CCM2: variants seen among roughly 807,000 people sequenced by gnomAD.
The protein encoded by CCM2 is CCM2 scaffold protein.
Under a neutral mutation model 44.9 loss-of-function variants are expected in CCM2, and 25 were observed. That is an observed-to-expected ratio of 0.56 (90% CI 0.41 to 0.78). The LOEUF is 0.78. Ranked by LOEUF, CCM2 falls within the 30% of genes least tolerant of loss-of-function variation. The probability of loss-of-function intolerance (pLI) is 0.00; values close to 1 mark genes in which losing one functional copy is unlikely to be tolerated. For missense variants in CCM2, 481 were observed against 580.6 expected, an observed-to-expected ratio of 0.83 and a Z score of 1.76; for synonymous variants, 219 against 241.1, an observed-to-expected ratio of 0.91 and a Z score of 0.85.
intron 1 of CCM2, chr7:45,029,451 A>C (rs1796856043): frequency 6.6e-6 from 1 of 152,162 alleles, no homozygotes; most frequent in Non-Finnish European, 1.5e-5. Context: ...TAGACTTTTT[A>C]GCACTTTCTC....
chr7:45,035,833 A>G (rs993428335), intron 1 of CCM2, among the ~76,000 whole-genome samples: 1 of 152,118 alleles, frequency 6.6e-6, no homozygotes, highest in Non-Finnish European at 1.5e-5. Context: ...ATACATATAT[A>G]TATATATGTA....
intron 1 of CCM2, among the ~76,000 whole-genome samples, chr7:45,035,394 T>C (rs1797167171): frequency 6.6e-6 from 1 of 152,216 alleles, no homozygotes; most frequent in Non-Finnish European, 1.5e-5. Context: ...TAGTCATCCT[T>C]ACTCCATGCT....
chr7:45,002,429 C>T (rs953593191), intron 1 of CCM2, among the ~76,000 whole-genome samples: 3 of 152,002 alleles, frequency 2.0e-5, no homozygotes, highest in Non-Finnish European at 4.4e-5. Flanking sequence ...ATTAGCCAGG[C>T]GCGGCAGCGC....
At chr7:45,003,050 T>G (rs1482353528) in intron 1 of CCM2, among the ~76,000 whole-genome samples, 5 of 152,214 alleles carry the variant, frequency 3.3e-5, no homozygotes, top group African/African-American at 1.2e-4. Context: ...CGGTATGGAC[T>G]CATGTTCTGT....
At chr7:45,055,470 C>T (rs56838306) in intron 2 of CCM2, among the ~76,000 whole-genome samples, 20,062 of 152,028 alleles carry the variant, frequency 0.13, 1,624 homozygotes, top group Admixed American at 0.2. Flanking sequence ...GGGTGGATCA[C>T]GAGGTCAGGA....
chr7:45,060,877 G>A (rs1043743712), intron 2 of CCM2, among the ~76,000 whole-genome samples: 4 of 152,244 alleles, frequency 2.6e-5, no homozygotes, highest in African/African-American at 4.8e-5. Context: ...CATATTAATC[G>A]TAGTTGTTTT....
intron 1 of CCM2, among the ~76,000 whole-genome samples, chr7:45,023,130 C>T (rs530295294): frequency 3.3e-5 from 5 of 152,218 alleles, no homozygotes; most frequent in Admixed American, 2.6e-4. Context: ...CCCACTTTCT[C>T]CCTTTCTAAG....
At chr7:45,047,410 G>A (rs1258951468) in intron 2 of CCM2, among the ~76,000 whole-genome samples, 1 of 152,202 alleles carries the variant, frequency 6.6e-6, no homozygotes, top group Non-Finnish European at 1.5e-5. Context: ...GGTGGCACCT[G>A]CCTGTAGTCC....
chr7:45,044,480 A>G (rs1028498340), intron 2 of CCM2, among the ~76,000 whole-genome samples: 31 of 152,060 alleles, frequency 2.0e-4, no homozygotes, highest in African/African-American at 6.5e-4. Flanking sequence ...TCTATAGCCC[A>G]CTTGCTTCTG....
At chr7:45,039,097 G>C (rs1357885809) in intron 2 of CCM2, among the ~76,000 whole-genome samples, 1 of 152,286 alleles carries the variant, frequency 6.6e-6, no homozygotes, top group South Asian at 2.1e-4. Context: ...GAGTCCAGGG[G>C]GCTCAGGAGG....
Position 45,016,859 on chromosome 7 carries a change from C to T in CCM2, c.30+16496C>T, listed in dbSNP as rs552977149. ...TGTTGACCAGGCTGATCTCTAACTC[C>T]TGGCCTCAAGTGATCTGACTGTCTC... On this transcript the variant is annotated intron_variant, in intron 1 of 9. Transcript: ENST00000258781. 2.8e-4 allele frequency among the ~76,000 whole-genome samples: 42 copies of T among 152,338 alleles called. 1 individual carries two copies. The highest frequency in any genetic ancestry group is 1.7e-3 in the South Asian group (8 of 4,826).
chr7:45,058,414 A>C (rs1798364677), intron 2 of CCM2, among the ~76,000 whole-genome samples: 1 of 151,416 alleles, frequency 6.6e-6, no homozygotes, highest in African/African-American at 2.4e-5. Context: ...GGTGTGCTGC[A>C]CCCATTAACT....
intron 2 of CCM2, among the ~76,000 whole-genome samples, chr7:45,061,774 C>G (rs1413458528): frequency 6.6e-6 from 1 of 152,162 alleles, no homozygotes; most frequent in Non-Finnish European, 1.5e-5. Flanking sequence ...CATGAGCCAC[C>G]ACACCTGGCC....
intron 2 of CCM2, among the ~76,000 whole-genome samples, chr7:45,044,526 C>G (rs1305271121): frequency 6.6e-6 from 1 of 152,124 alleles, no homozygotes; most frequent in Admixed American, 6.6e-5. Flanking sequence ...GGAGGGAAAC[C>G]CCAATTGCTG....
intron 1 of CCM2, among the ~76,000 whole-genome samples, chr7:45,020,629 A>G (rs1284497057): frequency 6.6e-6 from 1 of 152,186 alleles, no homozygotes; most frequent in Non-Finnish European, 1.5e-5. Context: ...ATTTTAGTAG[A>G]TGTTAACAAA....
At chr7:45,070,495 C>G (rs1201921880) in intron 6 of CCM2, 7 of 456,048 alleles carry the variant, frequency 1.5e-5, no homozygotes, top group South Asian at 1.1e-4. Context: ...CCAGAGCTGT[C>G]TCTTCCTGCA....
rs376268802 is a variant in CCM2 at position 45,028,871 on chromosome 7, T to A, written c.31-9382T>A. 3.4e-4 allele frequency among the ~76,000 whole-genome samples: 52 copies of A among 152,124 alleles called. No homozygotes were observed. The South Asian group carries it at 8.5e-3, about 25-fold the overall frequency. The stretch of plus-strand genomic sequence containing the variant: ...GAAATTCACATAGGCAGGGGTGCAA[T>A]GTGGGTGTCCACAGAGGAGTTCTTT... On this transcript the variant is annotated intron_variant, in intron 1 of 9. Transcript: ENST00000258781.
chr7:45,047,387 A>G (rs117113974), intron 2 of CCM2, among the ~76,000 whole-genome samples: 1,932 of 152,292 alleles, frequency 0.013, 19 homozygotes, highest in Middle Eastern at 0.027. Flanking sequence ...CAATAATACA[A>G]AGGGCTGGGC....
At chr7:45,014,461 A>G (rs1022619310) in intron 1 of CCM2, among the ~76,000 whole-genome samples, 4 of 151,924 alleles carry the variant, frequency 2.6e-5, no homozygotes, top group African/African-American at 9.7e-5. Flanking sequence ...TAATTGCAGT[A>G]AAAAAGCAAA....
Sources: gnomAD v4.1 joint callset for allele counts (sites outside exome capture counted in the v4.1 genomes callset) on GRCh38, gnomAD v4.1.1 for gene constraint, MANE v1.5 for transcripts, NCBI Gene and HGNC (gene_info 2026-07-23, HGNC 2026-07-21) for gene names.